EP400: variants seen among roughly 807,000 people sequenced by gnomAD.
The protein encoded by EP400 is E1A binding protein p400.
Under a neutral mutation model 354.1 loss-of-function variants are expected in EP400, and 105 were observed. The observed-to-expected ratio is 0.30, with a 90% CI of 0.25 to 0.35. The LOEUF is 0.35. Among genes scored for constraint, EP400 ranks in the 10% least tolerant of loss-of-function variants. EP400 has a pLI of 1.00. For synonymous variants in EP400, 1,646 were observed against 1,716.9 expected, an observed-to-expected ratio of 0.96 and a Z score of 1.02; for missense variants, 3,280 against 4,121.0, an observed-to-expected ratio of 0.80 and a Z score of 5.59.
chr12:131,964,833 A>C (rs1284201664), intron 2 of EP400, among the ~76,000 whole-genome samples: 2 of 152,238 alleles, frequency 1.3e-5, no homozygotes, highest in Non-Finnish European at 1.5e-5. Context: ...GTACAGTAGT[A>C]CAATAATACA....
At chr12:131,992,972 G>A (rs1893090917) in intron 11 of EP400, among the ~76,000 whole-genome samples, 1 of 152,168 alleles carries the variant, frequency 6.6e-6, no homozygotes. Context: ...AAGTCAACAG[G>A]GAGTTTGGCC....
intron 30 of EP400, among the ~76,000 whole-genome samples, chr12:132,035,729 C>T (rs975088148): frequency 4.8e-5 from 7 of 144,456 alleles, no homozygotes; most frequent in East Asian, 2.1e-4. Flanking sequence ...GCTGTGGAAG[C>T]GCACACCCAG....
Position 132,020,190 on chromosome 12 carries a change from C to A in EP400, c.4419C>A (p.Ala1473=). 6.2e-7 allele frequency: 1 copy of A among 1,609,966 alleles called. No individual in the cohort carries two copies. The highest frequency in any genetic ancestry group is 8.5e-7 in the Non-Finnish European group (1 of 1,178,330). ...QGPLRGRPPI[A]TFSANPEAKA... is the part of the protein sequence containing the mutation. ...CGCTTCGAGGACGGCCGCCCATCGC[C>A]ACGTTCTCTGCCAATCCGGAGGCAA... Residue 1473 remains alanine (A), a synonymous_variant, in exon 22 of 53, where the codon GCC becomes GCA. Coordinates refer to ENST00000389561, the MANE Select transcript of EP400 (RefSeq NM_015409.5).
intron 12 of EP400, among the ~76,000 whole-genome samples, chr12:131,996,311 T>TTTTTTTTTTA (rs1227686378): frequency 6.6e-6 from 1 of 150,420 alleles, no homozygotes; most frequent in African/African-American, 2.5e-5. Context: ...TTTTTTTTTT[T>TTTTTTTTTTA]GAGATGGAGT....
At chr12:131,979,331 A>G (rs1044300124) in intron 2 of EP400, among the ~76,000 whole-genome samples, 1 of 152,204 alleles carries the variant, frequency 6.6e-6, no homozygotes, top group African/African-American at 2.4e-5. Context: ...ATGTGAAGTT[A>G]TGCTGGGCAG....
chr12:132,069,440 G>T (rs1274275471), intron 50 of EP400, 55 bp from the exon 51 acceptor site: 1 of 1,589,598 alleles, frequency 6.3e-7, no homozygotes, highest in African/African-American at 1.3e-5. Flanking sequence ...AGGCGTCCCG[G>T]GAGTCTTGAG....
In EP400 at chr12:132,045,471, A is replaced by G. The variant is rs745534363; in HGVS notation, c.6937A>G (p.Lys2313Glu). Residue 2313 changes from lysine (K) to glutamate (E), a missense_variant, in exon 38 of 53, where the codon AAG becomes GAG. Lys to Glu is a moderately conservative substitution (Grantham distance 56). Around this residue, in one of 20 missense-constraint regions of EP400, gnomAD observed 231 missense variants for 257.9 expected, o/e 0.90. Transcript: ENST00000389561. ...ILLKQQVPFA[K>E]PLPTFAKPTA... ...GCTGAAGCAGCAGGTGCCATTCGCC[A>G]AGCCCCTGCCAACTTTTGCCAAACC... is the stretch of plus-strand genomic sequence containing the variant. 6.2e-7 allele frequency: 1 copy of G among 1,614,214 alleles called. No individual in the cohort carries two copies. Among genetic ancestry groups the G allele is most frequent in the South Asian group, 1.1e-5 (1 of 91,076 alleles).
intron 51 of EP400, chr12:132,076,201 C>G (rs1896233389): frequency 1.2e-5 from 5 of 426,040 alleles, no homozygotes; most frequent in Non-Finnish European, 1.8e-5. Flanking sequence ...CAAATACTTA[C>G]CATCCTCAGT....
chr12:132,041,208 T>C (rs1240067131), intron 32 of EP400, among the ~76,000 whole-genome samples: 1 of 152,260 alleles, frequency 6.6e-6, no homozygotes, highest in East Asian at 1.9e-4. Context: ...TCTTCTGTCA[T>C]TGGCAACGCT....
intron 34 of EP400, 89 bp downstream of exon 34, chr12:132,043,817 T>A: frequency 2.4e-6 from 3 of 1,236,486 alleles, no homozygotes; most frequent in Non-Finnish European, 3.4e-6. Flanking sequence ...TTCATTAAAT[T>A]AAAGTCACAA....
rs560396416 is a variant in EP400 at position 131,968,422 on chromosome 12, C to T, written c.1335+6468C>T. Among the ~76,000 whole-genome samples, 269 of 152,258 alleles carry T rather than the reference C, an allele frequency of 1.8e-3. 3 individuals carry two copies. Among genetic ancestry groups the T allele is most frequent in the African/African-American group, 6.1e-3 (254 of 41,550 alleles). On this transcript the variant is annotated intron_variant, in intron 2 of 52. Transcript: ENST00000389561. ...CTGTTTCTGGATTCTCTTCTCTTCC[C>T]GTCTCTTTATGTGTTTTTCTCTGCC...
chr12:132,043,109 C>G (rs1894969614), intron 32 of EP400, among the ~76,000 whole-genome samples, 195 bp from the exon 33 acceptor site: 1 of 152,242 alleles, frequency 6.6e-6, no homozygotes, highest in Admixed American at 6.5e-5. Context: ...AGGTTTCCCA[C>G]TCATTTTCTG....
intron 12 of EP400, among the ~76,000 whole-genome samples, chr12:132,004,681 A>G (rs893074993): frequency 2.6e-5 from 4 of 152,146 alleles, no homozygotes; most frequent in African/African-American, 9.7e-5. Context: ...AATATTTTAT[A>G]CTTTTAAAAA....
At position 132,056,017 on chromosome 12, in the gene EP400, C is replaced by T. The variant is rs115073625; in HGVS notation, c.7884+809C>T. ...GGAGGAGCGGGCAGTTTCTACGGAA[C>T]GTGGAGACCCCAGGTGTGGGAAGCG... On this transcript the variant is annotated intron_variant, in intron 45 of 52. Coordinates refer to ENST00000389561, the MANE Select transcript of EP400 (RefSeq NM_015409.5). 5.0e-3 allele frequency among the ~76,000 whole-genome samples: 762 copies of T among 151,888 alleles called. 10 individuals are homozygous for T. Among genetic ancestry groups the T allele is most frequent in the African/African-American group, 0.018 (730 of 41,330 alleles).
chr12:132,048,468 A>G (rs763924512), intron 39 of EP400, among the ~76,000 whole-genome samples: 64 of 151,494 alleles, frequency 4.2e-4, no homozygotes, highest in Non-Finnish European at 5.7e-4. Flanking sequence ...TAGCTGATTT[A>G]TGAAGCTAAT....
At chr12:132,010,050 G>A (rs1040719941) in intron 15 of EP400, among the ~76,000 whole-genome samples, 3 of 150,134 alleles carry the variant, frequency 2.0e-5, no homozygotes, top group Non-Finnish European at 4.4e-5. Flanking sequence ...ATATCATCTG[G>A]ATTTGATTTG....
intron 5 of EP400, among the ~76,000 whole-genome samples, chr12:131,983,876 G>A (rs879590517): frequency 8.6e-5 from 13 of 151,548 alleles, no homozygotes; most frequent in Non-Finnish European, 1.5e-4. Flanking sequence ...ATGGGATTTC[G>A]CCATGCTGCC....
At chr12:131,974,198 C>T (rs531506380) in intron 2 of EP400, among the ~76,000 whole-genome samples, 271 of 152,160 alleles carry the variant, frequency 1.8e-3, no homozygotes, top group Non-Finnish European at 2.0e-3. Flanking sequence ...AGCATGGTCT[C>T]GAACTCCTGA....
At chr12:132,048,101 C>G (rs1242176578) in intron 39 of EP400, among the ~76,000 whole-genome samples, 1 of 152,164 alleles carries the variant, frequency 6.6e-6, no homozygotes, top group Non-Finnish European at 1.5e-5. Context: ...GCCCAGATTT[C>G]ATATTGTTCA....
Sources: gnomAD v4.1 joint callset for allele counts (sites outside exome capture counted in the v4.1 genomes callset) on GRCh38, gnomAD v4.1.1 for gene constraint, gnomAD v4.1.1 regional missense constraint, MANE v1.5 for transcripts, NCBI Gene and HGNC (gene_info 2026-07-23, HGNC 2026-07-21) for gene names.